The following PPP2R2B variants were observed in gnomAD, a reference collection of about 807,000 sequenced individuals.
PPP2R2B encodes protein phosphatase 2 regulatory subunit Bbeta, also known as serine/threonine-protein phosphatase 2A 55 kDa regulatory subunit B beta isoform.
In PPP2R2B, 5 loss-of-function variants were observed where a neutral mutation model predicts 46.0. The ratio of observed to expected loss-of-function variants is 0.11; its 90% confidence interval spans 0.06 to 0.23. The LOEUF is 0.23. Among genes scored for constraint, PPP2R2B ranks in the 10% least tolerant of loss-of-function variants. The probability of loss-of-function intolerance (pLI) is 1.00; values close to 1 mark genes in which losing one functional copy is unlikely to be tolerated. For synonymous variants in PPP2R2B, 215 were observed against 206.7 expected, an observed-to-expected ratio of 1.04 and a Z score of -0.34; for missense variants, 367 against 575.0, an observed-to-expected ratio of 0.64 and a Z score of 3.70.
upstream of PPP2R2B, among the ~76,000 whole-genome samples, chr5:146,882,436 G>T (rs1222232069): frequency 6.6e-6 from 1 of 152,122 alleles, no homozygotes; most frequent in Non-Finnish European, 1.5e-5. Flanking sequence ...GCAATGTTAA[G>T]TGCCAAGGCT....
At chr5:146,593,132 C>T (rs1770826338) in intron 8 of PPP2R2B, 70 bp from the exon 9 acceptor site, 1 of 1,231,914 alleles carries the variant, frequency 8.1e-7, no homozygotes, top group East Asian at 2.3e-5. Flanking sequence ...AACACCTCCT[C>T]TTCTGATGTG....
At chr5:146,751,297 G>A (rs1456213980) in intron 2 of PPP2R2B, 2 of 152,254 alleles carry the variant, frequency 1.3e-5, no homozygotes, top group Non-Finnish European at 2.9e-5. Context: ...CGGGGAAGAG[G>A]TCATAGAGTT....
At chr5:146,614,301 T>C (rs1403552777) in intron 7 of PPP2R2B, among the ~76,000 whole-genome samples, 9 of 91,890 alleles carry the variant, frequency 9.8e-5, no homozygotes, top group Non-Finnish European at 1.3e-4. Context: ...TAGCCATATG[T>C]AGAAAGCTGA....
chr5:146,786,034 G>A (rs1232719108), intron 2 of PPP2R2B, among the ~76,000 whole-genome samples: 1 of 151,960 alleles, frequency 6.6e-6, no homozygotes, highest in African/African-American at 2.4e-5. Flanking sequence ...AGAAGATTTG[G>A]TATCTTCTCA....
chr5:146,691,057 C>A, intron 5 of PPP2R2B, 71 bp downstream of exon 5: 1 of 1,361,874 alleles, frequency 7.3e-7, no homozygotes, highest in Middle Eastern at 2.4e-4. Context: ...CCTACAGTAA[C>A]AACCAGCACA....
At chr5:146,717,968 A>G (rs1455470357) in intron 2 of PPP2R2B, among the ~76,000 whole-genome samples, 1 of 152,152 alleles carries the variant, frequency 6.6e-6, no homozygotes, top group Admixed American at 6.5e-5. Context: ...ATTGTTCTTT[A>G]TAGTACTCTA....
chr5:146,972,373 A>G (rs1395185966), intron 1 of PPP2R2B, among the ~76,000 whole-genome samples: 1 of 152,126 alleles, frequency 6.6e-6, no homozygotes, highest in Admixed American at 6.6e-5. Flanking sequence ...CCTTTGCCAC[A>G]CACTTATCTC....
chr5:146,803,782 A>G (rs1395250375), intron 2 of PPP2R2B, among the ~76,000 whole-genome samples: 2 of 152,202 alleles, frequency 1.3e-5, no homozygotes, highest in African/African-American at 4.8e-5. Flanking sequence ...ATTATTTTGC[A>G]TCTCTAGACC....
intron 2 of PPP2R2B, among the ~76,000 whole-genome samples, chr5:147,072,798 G>C (rs1757639979): frequency 6.6e-6 from 1 of 152,148 alleles, no homozygotes; most frequent in South Asian, 2.1e-4. Context: ...ATCACCCAGG[G>C]AACCTGAGCA....
chr5:146,898,905 C>T (rs1300327147), intron 1 of PPP2R2B, among the ~76,000 whole-genome samples: 5 of 139,912 alleles, frequency 3.6e-5, no homozygotes, highest in Non-Finnish European at 1.5e-5. Flanking sequence ...CAGAGAAATG[C>T]AAATCAAAAC....
intron 2 of PPP2R2B, among the ~76,000 whole-genome samples, chr5:146,875,609 A>G (rs906660347): frequency 6.6e-6 from 1 of 152,208 alleles, no homozygotes; most frequent in African/African-American, 2.4e-5. Context: ...ATTCAGAAAT[A>G]CATGTGAAGG....
chr5:146,765,397 AATCT>A (rs1754416455), intron 2 of PPP2R2B, among the ~76,000 whole-genome samples: 2 of 152,190 alleles, frequency 1.3e-5, no homozygotes, highest in Non-Finnish European at 2.9e-5. Context: ...AAATAAGGAA[AATCT>A]ATCTCTTTTT....
intron 2 of PPP2R2B, among the ~76,000 whole-genome samples, chr5:147,070,020 A>T (rs1401434336): frequency 6.6e-6 from 1 of 151,616 alleles, no homozygotes; most frequent in Non-Finnish European, 1.5e-5. Context: ...CAAACTCCTG[A>T]CCTCGTGATC....
chr5:146,886,525 C>T (rs1049277738), intron 1 of PPP2R2B, among the ~76,000 whole-genome samples: 4 of 151,960 alleles, frequency 2.6e-5, no homozygotes, highest in African/African-American at 9.7e-5. Flanking sequence ...AATATCATCA[C>T]CATCATAAAC....
At chr5:146,619,696 T>C (rs1773513836) in intron 7 of PPP2R2B, among the ~76,000 whole-genome samples, 2 of 152,158 alleles carry the variant, frequency 1.3e-5, no homozygotes, top group Non-Finnish European at 1.5e-5. Context: ...CCTGATTAAC[T>C]CCCTGCAGTG....
intron 2 of PPP2R2B, among the ~76,000 whole-genome samples, chr5:146,832,379 C>T (rs173637): frequency 0.073 from 5,116 of 70,546 alleles, 309 homozygotes; most frequent in Admixed American, 0.11. Context: ...CATTTTTAAT[C>T]TTTTTTTTTT....
Position 147,034,602 on chromosome 5 carries a change from G to A in PPP2R2B, c.79+21063C>T, listed in dbSNP as rs139497495. ...GGGAAATAAGTAAAGTTTAAAATCC[G>A]TAATTTTTTCCCTATACCCTGTCTC... is the stretch of plus-strand genomic sequence containing the variant. On this transcript the variant is annotated intron_variant, in intron 1 of 8. Coordinates refer to the PPP2R2B transcript ENST00000336640. Among the ~76,000 whole-genome samples, 20 of 152,174 alleles carry A rather than the reference G, an allele frequency of 1.3e-4. No homozygotes were observed. The East Asian group carries it at 2.1e-3, about 16-fold the overall frequency.
intron 2 of PPP2R2B, among the ~76,000 whole-genome samples, chr5:147,069,909 G>T (rs1196182787): frequency 4.5e-4 from 64 of 141,398 alleles, no homozygotes; most frequent in African/African-American, 1.5e-3. Context: ...TCTTGCCTCA[G>T]CCTCCTGAGT....
intron 2 of PPP2R2B, among the ~76,000 whole-genome samples, chr5:146,766,316 G>A (rs947346521): frequency 6.6e-6 from 1 of 152,090 alleles, no homozygotes; most frequent in Non-Finnish European, 1.5e-5. Flanking sequence ...AAAAAAAAGA[G>A]AAAATGTCTC....
Sources: gnomAD v4.1 joint callset for allele counts (sites outside exome capture counted in the v4.1 genomes callset) on GRCh38, gnomAD v4.1.1 for gene constraint, MANE v1.5 for transcripts, NCBI Gene and HGNC (gene_info 2026-07-23, HGNC 2026-07-21) for gene names.